Variants in PDGFRA observed in about 807,000 individuals in gnomAD.
The protein encoded by PDGFRA is platelet-derived growth factor receptor alpha.
A neutral mutation model predicts 121.5 loss-of-function variants in PDGFRA; 25 were observed. That is an observed-to-expected ratio of 0.21 (90% confidence interval 0.15 to 0.29). The LOEUF is 0.29. PDGFRA is among the 10% of genes least tolerant of loss of function. The pLI, the probability that PDGFRA is intolerant of heterozygous loss-of-function variation, is 1.00. For synonymous variants in PDGFRA, 463 were observed against 494.8 expected, an observed-to-expected ratio of 0.94 and a Z score of 0.85; for missense variants, 1,008 against 1,345.1, an observed-to-expected ratio of 0.75 and a Z score of 3.92.
chr4:54,292,338 G>A (rs141787365), intron 22 of PDGFRA, among the ~76,000 whole-genome samples: 20 of 152,304 alleles, frequency 1.3e-4, no homozygotes, highest in African/African-American at 2.2e-4. Flanking sequence ...CGATGCAGCC[G>A]TAAAAAGGAA....
At chr4:54,262,510 C>T (rs1395997043) in intron 3 of PDGFRA, among the ~76,000 whole-genome samples, 1 of 152,160 alleles carries the variant, frequency 6.6e-6, no homozygotes, top group Admixed American at 6.5e-5. Flanking sequence ...TTCTTGCCAT[C>T]CTTGCTGTTT....
intron 1 of PDGFRA, among the ~76,000 whole-genome samples, chr4:54,236,769 C>T (rs893343693): frequency 5.9e-5 from 9 of 151,804 alleles, no homozygotes; most frequent in African/African-American, 2.2e-4. Context: ...TGCCACTGCA[C>T]TCCAGCCCAG....
At chr4:54,264,741 ATTG>A (rs1448176702) in intron 4 of PDGFRA, 175 bp from the exon 5 acceptor site, 1 of 582,512 alleles carries the variant, frequency 1.7e-6, no homozygotes, top group Non-Finnish European at 3.0e-6. Context: ...TATATGCCTA[ATTG>A]TTGTACACCA....
intron 8 of PDGFRA, 122 bp downstream of exon 8, chr4:54,270,870 CAT>C: frequency 1.4e-6 from 1 of 698,996 alleles, no homozygotes; most frequent in Non-Finnish European, 2.6e-6. Flanking sequence ...GCAGTGTCTG[CAT>C]ATGTCACATA....
chr4:54,233,355 C>T (rs552721557), intron 1 of PDGFRA, among the ~76,000 whole-genome samples: 1 of 152,316 alleles, frequency 6.6e-6, no homozygotes, highest in East Asian at 1.9e-4. Context: ...GAGCGCAGAG[C>T]CTCCCGGGCG....
Position 54,285,564 on chromosome 4 carries a change from T to A in PDGFRA, c.2439+78T>A, listed in dbSNP as rs182081936. On this transcript the variant is annotated intron_variant, in intron 17 of 22. Coordinates refer to ENST00000257290, the MANE Select transcript of PDGFRA (RefSeq NM_006206.6). ...GTGGACGGAGATGCTAGGAGATAGATGTTGGAAAGGCCATTAATAACAGGG... is the reference window on the plus strand; with the variant it reads ...GTGGACGGAGATGCTAGGAGATAGAAGTTGGAAAGGCCATTAATAACAGGG... 102 of 789,284 alleles carry A rather than the reference T, an allele frequency of 1.3e-4. 2 individuals are homozygous for A. The African/African-American group carries it at 1.4e-3, about 11-fold the overall frequency. The allele number at this position is 789,284 out of a possible 1,614,324, so 48.9% of individuals were successfully genotyped here. A position where few individuals can be genotyped will look rare whatever the true frequency, so the allele number is the denominator to read the frequency against.
chr4:54,233,997 G>A (rs1481875506), intron 1 of PDGFRA, among the ~76,000 whole-genome samples: 1 of 152,242 alleles, frequency 6.6e-6, no homozygotes, highest in Non-Finnish European at 1.5e-5. Context: ...GGTCCAGGCG[G>A]TCCCCCTGCC....
intron 1 of PDGFRA, among the ~76,000 whole-genome samples, chr4:54,257,412 T>G (rs1205298556): frequency 2.0e-5 from 3 of 152,238 alleles, no homozygotes; most frequent in Non-Finnish European, 2.9e-5. Flanking sequence ...CTTTATTTTC[T>G]TAATAAATTT....
intron 22 of PDGFRA, among the ~76,000 whole-genome samples, chr4:54,291,871 C>A (rs1435839461): frequency 6.6e-6 from 1 of 152,142 alleles, no homozygotes; most frequent in Non-Finnish European, 1.5e-5. Flanking sequence ...GACATGGAAT[C>A]ATCCTAAATG....
rs769686275 is a variant in PDGFRA at position 54,265,007 on chromosome 4, C to T, written c.717C>T (p.Asn239=). ...TTGTGGTCACCTGTGCTGTTTTTAA[C>T]AATGAGGTGGTTGACCTTCAATGGA... ...ETIVVTCAVF[N]NEVVDLQWTY... Residue 239 remains asparagine, a synonymous_variant, in exon 5 of 23, where the codon AAC becomes AAT. Coordinates refer to ENST00000257290, the MANE Select transcript of PDGFRA (RefSeq NM_006206.6). 1 of 1,613,630 alleles carries T rather than the reference C, an allele frequency of 6.2e-7. No homozygotes were observed. Among genetic ancestry groups the T allele is most frequent in the South Asian group, 1.1e-5 (1 of 91,068 alleles).
intron 22 of PDGFRA, among the ~76,000 whole-genome samples, chr4:54,294,320 G>C (rs1724774210): frequency 6.6e-6 from 1 of 151,738 alleles, no homozygotes; most frequent in African/African-American, 2.4e-5. Context: ...TTGTGTTTGT[G>C]GGCTCTGAAT....
chr4:54,261,553 T>C, intron 3 of PDGFRA, 141 bp downstream of exon 3: 1 of 587,368 alleles, frequency 1.7e-6, no homozygotes, highest in East Asian at 2.9e-5. Context: ...CACACAAAAA[T>C]CATTTGTAAT....
intron 1 of PDGFRA, among the ~76,000 whole-genome samples, chr4:54,257,789 G>A (rs1184343105): frequency 6.6e-6 from 1 of 152,158 alleles, no homozygotes; most frequent in African/African-American, 2.4e-5. Context: ...CAGTTTGCCA[G>A]AATAGTCCCT....
intron 1 of PDGFRA, among the ~76,000 whole-genome samples, chr4:54,231,424 C>T (rs73252941): frequency 1.9e-3 from 288 of 152,342 alleles, no homozygotes; most frequent in Middle Eastern, 3.4e-3. Context: ...GACAGTCCTC[C>T]GCAGTGCATC....
At chr4:54,260,397 G>GTTTTTTTTTTTTTTTTTTTTTTT (rs68009440) in intron 2 of PDGFRA, among the ~76,000 whole-genome samples, 2 of 64,564 alleles carry the variant, frequency 3.1e-5, no homozygotes, top group African/African-American at 1.4e-4. Context: ...TTCCATGTGG[G>GTTTTTTTTTTTTTTTTTTTTTTT]TTTTTTTTTT....
chr4:54,275,438 T>C (rs1723668967), intron 12 of PDGFRA, among the ~76,000 whole-genome samples: 1 of 152,190 alleles, frequency 6.6e-6, no homozygotes, highest in Admixed American at 6.5e-5. Context: ...AGGCAAAATA[T>C]GTAAAAATAA....
chr4:54,290,370 A>G lies in PDGFRA; in HGVS notation c.2938A>G (p.Met980Val), dbSNP rs769579172. The G allele has an allele frequency of 1.2e-6, 2 of 1,613,016 alleles. No individual in the cohort carries two copies. Residue 980 changes from methionine (M) to valine (V), a missense_variant, in exon 22 of 23, where the codon ATG becomes GTG. Met to Val is a conservative substitution (Grantham distance 21, BLOSUM62 1). Around this residue, in one of 5 missense-constraint regions of PDGFRA, gnomAD observed 204 missense variants for 243.0 expected, o/e 0.84. Transcript: ENST00000257290. ...LKSDHPAVAR[M>V]RVDSDNAYIG... Reference sequence around the variant, plus strand: ...GAGTGACCATCCTGCTGTGGCACGCATGCGTGTGGACTCAGACAATGCATA... The same window carrying G: ...GAGTGACCATCCTGCTGTGGCACGCGTGCGTGTGGACTCAGACAATGCATA...
intron 1 of PDGFRA, among the ~76,000 whole-genome samples, chr4:54,242,763 C>G (rs554339297): frequency 5.2e-4 from 79 of 152,186 alleles, no homozygotes; most frequent in African/African-American, 1.9e-3. Context: ...TTTCTGACAG[C>G]CTGGGACTCC....
chr4:54,260,963 C>T (rs1278121836), intron 2 of PDGFRA, 132 bp from the exon 3 acceptor site: 4 of 764,198 alleles, frequency 5.2e-6, no homozygotes, highest in Non-Finnish European at 8.7e-6. Flanking sequence ...CTTTCATGGG[C>T]ATCCAGGCTA....
Sources: gnomAD v4.1 joint callset for allele counts (sites outside exome capture counted in the v4.1 genomes callset) on GRCh38, gnomAD v4.1.1 for gene constraint, gnomAD v4.1.1 regional missense constraint, MANE v1.5 for transcripts, NCBI Gene and HGNC (gene_info 2026-07-23, HGNC 2026-07-21) for gene names.